The following LAPTM4B variants were observed in gnomAD, a reference collection of about 807,000 sequenced individuals.
LAPTM4B encodes the protein lysosomal-associated transmembrane protein 4B.
Under a neutral mutation model 28.5 loss-of-function variants are expected in LAPTM4B, and 26 were observed. The ratio of observed to expected loss-of-function variants is 0.91; its 90% CI spans 0.67 to 1.27. LAPTM4B has a LOEUF of 1.27. Ranked by LOEUF, LAPTM4B falls within the 50% of genes most tolerant of loss-of-function variation. LAPTM4B has a pLI of 0.00. For missense variants in LAPTM4B, 288 were observed against 285.8 expected, an observed-to-expected ratio of 1.01 and a Z score of -0.06; for synonymous variants, 109 against 106.4, an observed-to-expected ratio of 1.02 and a Z score of -0.15.
intron 1 of LAPTM4B, among the ~76,000 whole-genome samples, chr8:97,797,469 G>T (rs768800513): frequency 6.6e-6 from 1 of 152,234 alleles, no homozygotes; most frequent in Middle Eastern, 3.4e-3. Flanking sequence ...TTTTCATTTA[G>T]TGTGATTCTG....
At chr8:97,785,173 C>T (rs1816381175) in intron 1 of LAPTM4B, among the ~76,000 whole-genome samples, 1 of 151,600 alleles carries the variant, frequency 6.6e-6, no homozygotes. Flanking sequence ...GCAACCTCCA[C>T]CTCCCGGGTT....
chr8:97,800,327 C>A (rs757587765), intron 1 of LAPTM4B, among the ~76,000 whole-genome samples: 6 of 152,024 alleles, frequency 3.9e-5, no homozygotes, highest in Non-Finnish European at 8.8e-5. Context: ...TAACCAAGAG[C>A]TTTTAACATG....
chr8:97,848,855 G>A (rs117660844), intron 6 of LAPTM4B, among the ~76,000 whole-genome samples: 9 of 152,172 alleles, frequency 5.9e-5, no homozygotes, highest in Non-Finnish European at 1.2e-4. Flanking sequence ...ACGTATGTGC[G>A]CTGGGGGCTC....
chr8:97,853,000 G>A lies in LAPTM4B; in HGVS notation c.*1526G>A. On this transcript the variant is annotated 3_prime_UTR_variant, in exon 7 of 7. Coordinates refer to ENST00000521545, the MANE Select transcript of LAPTM4B (RefSeq NM_018407.6). ...AGCCGGCATACAAATGTTATCTACA[G>A]TGTATTTTTAGATTTTTTATACTTG... 3.7e-6 allele frequency: 3 copies of A among 815,902 alleles called. No individual in the cohort carries two copies. Among genetic ancestry groups the A allele is most frequent in the Non-Finnish European group, 5.7e-6 (3 of 527,040 alleles). 50.5% of individuals were successfully genotyped at this position (815,902 alleles called of 1,614,324 possible). A position where few individuals can be genotyped will look rare whatever the true frequency, so the allele number is the denominator to read the frequency against.
intron 1 of LAPTM4B, among the ~76,000 whole-genome samples, chr8:97,792,266 A>AT (rs931445112): frequency 1.8e-4 from 28 of 151,592 alleles, no homozygotes; most frequent in South Asian, 4.2e-4. Flanking sequence ...TTTTATTTTT[A>AT]TTTTTTTGAT....
intron 2 of LAPTM4B, 47 bp from the exon 3 acceptor site, chr8:97,815,281 A>T: frequency 7.1e-7 from 1 of 1,414,360 alleles, no homozygotes; most frequent in Non-Finnish European, 1.0e-6. Context: ...CAGTGGATCC[A>T]CTACTGATTG....
At chr8:97,816,862 C>T (rs968080532) in intron 4 of LAPTM4B, among the ~76,000 whole-genome samples, 3 of 152,048 alleles carry the variant, frequency 2.0e-5, no homozygotes, top group Non-Finnish European at 4.4e-5. Context: ...ATTGCTTGAA[C>T]CTGGGAGGTG....
At chr8:97,793,878 CT>C (rs2129746094) in intron 1 of LAPTM4B, among the ~76,000 whole-genome samples, 1 of 152,348 alleles carries the variant, frequency 6.6e-6, no homozygotes, top group South Asian at 2.1e-4. Context: ...ACCATCATAG[CT>C]CACTGCAGCC....
At chr8:97,831,075 G>A (rs1817177063) in intron 6 of LAPTM4B, among the ~76,000 whole-genome samples, 1 of 152,120 alleles carries the variant, frequency 6.6e-6, no homozygotes, top group Non-Finnish European at 1.5e-5. Context: ...GGTGAGTTTG[G>A]TAAGATGTGT....
At chr8:97,796,950 T>C (rs971072797) in intron 1 of LAPTM4B, among the ~76,000 whole-genome samples, 5 of 150,840 alleles carry the variant, frequency 3.3e-5, no homozygotes, top group African/African-American at 1.2e-4. Context: ...AATAAATAAA[T>C]AAATCTCAAT....
At chr8:97,851,211 C>T (rs937813495) in intron 6 of LAPTM4B, among the ~76,000 whole-genome samples, 186 bp from the exon 7 acceptor site, 3 of 152,206 alleles carry the variant, frequency 2.0e-5, no homozygotes, top group Non-Finnish European at 4.4e-5. Context: ...GCTTGAGAGT[C>T]GCTCTCCATT....
chr8:97,787,639 T>C (rs186813982), intron 1 of LAPTM4B, among the ~76,000 whole-genome samples: 115 of 152,354 alleles, frequency 7.5e-4, no homozygotes, highest in African/African-American at 2.5e-3. Flanking sequence ...ATAATATCTT[T>C]GTCTTTCTTT....
intron 6 of LAPTM4B, among the ~76,000 whole-genome samples, chr8:97,831,128 A>G (rs1477091669): frequency 6.6e-6 from 1 of 152,188 alleles, no homozygotes; most frequent in African/African-American, 2.4e-5. Flanking sequence ...CTGAGGATTG[A>G]GGATGATAAG....
intron 1 of LAPTM4B, among the ~76,000 whole-genome samples, chr8:97,803,083 C>G (rs1055128695): frequency 3.3e-4 from 50 of 151,468 alleles, no homozygotes; most frequent in African/African-American, 1.2e-3. Context: ...CTTGTAACCC[C>G]AGCTACTCGA....
At chr8:97,850,700 T>C (rs553963288) in intron 6 of LAPTM4B, among the ~76,000 whole-genome samples, 12 of 149,312 alleles carry the variant, frequency 8.0e-5, no homozygotes, top group African/African-American at 3.0e-4. Flanking sequence ...AGGTTTTGTT[T>C]TGTCTTCTCA....
rs1157679924 is a variant in LAPTM4B at position 97,852,797 on chromosome 8, A to T, written c.*1323A>T. The T allele has an allele frequency of 3.8e-6, 1 of 261,242 alleles. No individual in the cohort carries two copies. Among genetic ancestry groups the T allele is most frequent in the Non-Finnish European group, 7.5e-6 (1 of 133,774 alleles). The allele number at this position is 261,242 out of a possible 1,614,324, so 16.2% of individuals were successfully genotyped here. A position where few individuals can be genotyped will look rare whatever the true frequency, so the allele number is the denominator to read the frequency against. On this transcript the variant is annotated 3_prime_UTR_variant, in exon 7 of 7. Transcript: ENST00000521545. ...TTAAGTGGATAACTATATTATTCAT[A>T]AAATGACTGAGTGAAAACTAATACA...
At chr8:97,821,076 G>A (rs1244599392) in intron 5 of LAPTM4B, among the ~76,000 whole-genome samples, 2 of 148,096 alleles carry the variant, frequency 1.4e-5, no homozygotes, top group Admixed American at 1.3e-4. Context: ...GGTGGCTCAT[G>A]CCTGTAATCC....
intron 6 of LAPTM4B, among the ~76,000 whole-genome samples, chr8:97,845,588 A>G (rs1322351667): frequency 6.6e-6 from 1 of 151,934 alleles, no homozygotes; most frequent in Non-Finnish European, 1.5e-5. Context: ...AGGACCTTGA[A>G]CAGACTTATG....
rs557780928 is a variant in LAPTM4B, at chr8:97,776,664, G to A, written c.99+556G>A. On this transcript the variant is annotated intron_variant, in intron 1 of 6. Coordinates refer to ENST00000521545, the MANE Select transcript of LAPTM4B (RefSeq NM_018407.6). ...GGATCCCGAGTTGAAGTGGTTGGGA[G>A]TTCTTGGCATCCTCTTGTGAATGGG... Among the ~76,000 whole-genome samples the A allele has an allele frequency of 1.1e-4, 16 of 151,702 alleles. No individual in the cohort carries two copies. The South Asian group carries it at 2.9e-3, about 28-fold the overall frequency.
Sources: gnomAD v4.1 joint callset for allele counts (sites outside exome capture counted in the v4.1 genomes callset) on GRCh38, gnomAD v4.1.1 for gene constraint, MANE v1.5 for transcripts, NCBI Gene and HGNC (gene_info 2026-07-23, HGNC 2026-07-21) for gene names.